Variants in TMEM132C observed in about 807,000 individuals in gnomAD.
The protein encoded by TMEM132C is transmembrane protein 132C.
Under a neutral mutation model 61.4 loss-of-function variants are expected in TMEM132C, and 29 were observed. The observed-to-expected ratio is 0.47, with a 90% CI of 0.35 to 0.64. The LOEUF (loss-of-function observed/expected upper bound fraction) is 0.64, where lower values mean the gene tolerates loss of function less well. Ranked by LOEUF, TMEM132C falls within the 30% of genes least tolerant of loss-of-function variation. TMEM132C has a pLI of 0.00. For missense variants in TMEM132C, 1,408 were observed against 1,476.9 expected (o/e 0.95, Z 0.76); for synonymous variants, 656 against 633.1 (o/e 1.04, Z -0.54).
At chr12:128,575,076 C>T (rs1354313368) in intron 3 of TMEM132C, among the ~76,000 whole-genome samples, 5 of 152,172 alleles carry the variant, frequency 3.3e-5, no homozygotes, top group Non-Finnish European at 2.9e-5. Context: ...TGTGGACAGT[C>T]CTATGCTTTA....
At chr12:128,613,108 G>A (rs926694018) in intron 3 of TMEM132C, among the ~76,000 whole-genome samples, 7 of 152,190 alleles carry the variant, frequency 4.6e-5, no homozygotes, top group Non-Finnish European at 7.3e-5. Context: ...ATAGGCATCC[G>A]TTTGGGACTG....
At chr12:128,495,523 T>C (rs1871914846) in intron 2 of TMEM132C, among the ~76,000 whole-genome samples, 1 of 152,236 alleles carries the variant, frequency 6.6e-6, no homozygotes. Flanking sequence ...GGTGCTCGTG[T>C]ATTGGGTGCA....
At chr12:128,400,508 CTG>C (rs10527140) in intron 1 of TMEM132C, among the ~76,000 whole-genome samples, 3,199 of 152,120 alleles carry the variant, frequency 0.021, 110 homozygotes, top group African/African-American at 0.073. Flanking sequence ...TGTGGGCGGG[CTG>C]TTCTGCACAG....
intron 3 of TMEM132C, among the ~76,000 whole-genome samples, chr12:128,608,355 T>C (rs1054245768): frequency 2.6e-5 from 4 of 152,148 alleles, no homozygotes; most frequent in Non-Finnish European, 5.9e-5. Flanking sequence ...CTCTTAAGAC[T>C]CCCAACAGCC....
At chr12:128,542,093 G>A (rs905103822) in intron 2 of TMEM132C, among the ~76,000 whole-genome samples, 4 of 152,182 alleles carry the variant, frequency 2.6e-5, no homozygotes, top group African/African-American at 9.6e-5. Flanking sequence ...CATTCACTCC[G>A]ATTTTGTAAC....
At chr12:128,393,451 A>G (rs1282006399) in intron 1 of TMEM132C, among the ~76,000 whole-genome samples, 2 of 152,236 alleles carry the variant, frequency 1.3e-5, no homozygotes, top group Non-Finnish European at 2.9e-5. Context: ...AAGCTCATGA[A>G]TTAACAGCCC....
chr12:128,673,576 T>C (rs182819294), intron 5 of TMEM132C, among the ~76,000 whole-genome samples: 1 of 134,476 alleles, frequency 7.4e-6, no homozygotes, highest in Non-Finnish European at 1.6e-5. Context: ...CTTCCAAGAC[T>C]GTTCACTATA....
chr12:128,646,619 C>T (rs1593132407), intron 4 of TMEM132C, among the ~76,000 whole-genome samples: 2 of 150,874 alleles, frequency 1.3e-5, no homozygotes, highest in East Asian at 2.0e-4. Flanking sequence ...TGGAGTCCAT[C>T]AGCGCTGGAT....
intron 1 of TMEM132C, among the ~76,000 whole-genome samples, chr12:128,376,587 A>G (rs1593030678): frequency 6.6e-6 from 1 of 152,204 alleles, no homozygotes; most frequent in African/African-American, 2.4e-5. Flanking sequence ...GGATGCCAAC[A>G]TGTGATGACA....
intron 1 of TMEM132C, among the ~76,000 whole-genome samples, chr12:128,331,212 CGTG>C (rs1872657483): frequency 6.6e-6 from 1 of 151,770 alleles, no homozygotes; most frequent in African/African-American, 2.4e-5. Context: ...CATTCACTAA[CGTG>C]AATGTGGTGC....
Position 128,705,363 on chromosome 12 carries a change from T to A in TMEM132C, c.2395T>A (p.Phe799Ile), listed in dbSNP as rs12301587. 12 of 1,551,266 alleles carry A rather than the reference T, an allele frequency of 7.7e-6. No individual in the cohort carries two copies. The African/African-American group carries it at 1.6e-4, about 21-fold the overall frequency. The change falls in exon 9 of 9, where the codon TTC becomes ATC. Residue 799 changes from phenylalanine to isoleucine, a missense_variant. Physicochemically the swap from Phe to Ile is conservative, Grantham distance 21. Transcript: ENST00000435159. ...AVGVGNVRVK[F>I]GQNDADSSPG... ...GGGCGTCGGCAACGTCAGGGTCAAG[T>A]TCGGACAGAACGATGCTGACTCCAG...
intron 1 of TMEM132C, among the ~76,000 whole-genome samples, chr12:128,351,082 A>G (rs1033425158): frequency 1.3e-5 from 2 of 152,172 alleles, no homozygotes; most frequent in Non-Finnish European, 2.9e-5. Context: ...CTGCTCTCTT[A>G]TTTAAGCCTG....
At position 128,570,901 on chromosome 12, in the gene TMEM132C, T is replaced by C. The variant is rs552719714; in HGVS notation, c.1121+26798T>C. On this transcript the variant is annotated intron_variant, in intron 3 of 8. Transcript: ENST00000435159. This position sits in a 1 kb window ranked among gnomAD's most constrained non-coding sequence, Gnocchi z 4.7. ...GGACCCGTAGAGCCACTCCTAGCAATAAGGAAGTCTGGGGAAGTTACTATT... is the reference window on the plus strand; with the variant it reads ...GGACCCGTAGAGCCACTCCTAGCAACAAGGAAGTCTGGGGAAGTTACTATT... Among the ~76,000 whole-genome samples, 1 of 152,286 alleles carries C rather than the reference T, an allele frequency of 6.6e-6. No homozygotes were observed. The highest frequency in any genetic ancestry group is 2.4e-5 in the African/African-American group (1 of 41,554).
rs545619871 is a variant in TMEM132C, at chr12:128,390,587, C to T, written c.86-24145C>T. ...GGCCACCTGCCTCCACCTGTAGCCG[C>T]ACCTCCGCCTCCCTCTCCCTGCAAA... On this transcript the variant is annotated intron_variant, in intron 1 of 8. Coordinates refer to ENST00000435159, the MANE Select transcript of TMEM132C (RefSeq NM_001136103.3). 6.6e-5 allele frequency among the ~76,000 whole-genome samples: 10 copies of T among 152,310 alleles called. No homozygotes were observed. The South Asian group carries it at 1.2e-3, about 19-fold the overall frequency.
At chr12:128,309,613 A>G (rs1041175402) in intron 1 of TMEM132C, among the ~76,000 whole-genome samples, 2 of 151,684 alleles carry the variant, frequency 1.3e-5, no homozygotes, top group African/African-American at 4.9e-5. Flanking sequence ...CTGGAAATTC[A>G]CATAAATGGA....
intron 3 of TMEM132C, among the ~76,000 whole-genome samples, chr12:128,565,852 A>G (rs1874678103): frequency 6.6e-6 from 1 of 151,872 alleles, no homozygotes; most frequent in Admixed American, 6.6e-5. Context: ...GAAGGTCAGT[A>G]ACATAATATA....
intron 3 of TMEM132C, among the ~76,000 whole-genome samples, chr12:128,565,574 GCATCTC>G (rs1874666508): frequency 6.6e-6 from 1 of 152,142 alleles, no homozygotes; most frequent in Non-Finnish European, 1.5e-5. Flanking sequence ...TTTGCAAAAA[GCATCTC>G]CATGGATATC....
chr12:128,665,444 C>T (rs1223527696), intron 4 of TMEM132C, among the ~76,000 whole-genome samples: 2 of 150,280 alleles, frequency 1.3e-5, no homozygotes, highest in East Asian at 4.0e-4. Context: ...TGTAGCCATA[C>T]ACGTAGGCAC....
intron 5 of TMEM132C, among the ~76,000 whole-genome samples, chr12:128,672,950 G>A (rs561407537): frequency 3.3e-5 from 5 of 152,308 alleles, no homozygotes; most frequent in East Asian, 1.9e-4. Context: ...ACAAGACCCC[G>A]AGGTCAGAGA....
Sources: allele counts gnomAD v4.1 joint callset (sites outside exome capture counted in the v4.1 genomes callset), GRCh38; gene constraint gnomAD v4.1.1; non-coding constraint Gnocchi (gnomAD v3.1); transcripts MANE v1.5; gene names NCBI Gene and HGNC (gene_info 2026-07-23, HGNC 2026-07-21).